Variants in PDE12 observed in about 807,000 individuals in gnomAD.
PDE12 encodes the protein 2',5'-phosphodiesterase 12.
A neutral mutation model predicts 45.4 loss-of-function variants in PDE12; 26 were observed. The observed-to-expected ratio is 0.57, with a 90% CI of 0.42 to 0.79. PDE12 has a LOEUF of 0.79. Among genes scored for constraint, PDE12 ranks in the 30% least tolerant of loss-of-function variants. The pLI, the probability that PDE12 is intolerant of heterozygous loss-of-function variation, is 0.00. For missense variants in PDE12, 668 were observed against 790.0 expected, an observed-to-expected ratio of 0.85 and a Z score of 1.85; for synonymous variants, 283 against 323.9, an observed-to-expected ratio of 0.87 and a Z score of 1.36.
At chr3:57,596,974 C>G in the PDE12 span, 2 of 1,344,200 alleles carry the variant, frequency 1.5e-6, no homozygotes, top group South Asian at 1.3e-5. Flanking sequence ...GCCCCTCCCC[C>G]ACCACAGCGG....
At chr3:57,604,999 C>G in the PDE12 span, among the ~76,000 whole-genome samples, 1 of 152,238 alleles carries the variant, frequency 6.6e-6, no homozygotes, top group East Asian at 1.9e-4. Flanking sequence ...ACCAGATTTA[C>G]CCACTCACCT....
At position 57,562,157 on chromosome 3, in the gene PDE12, G is replaced by GT; in HGVS notation, c.*2155dup. The GT allele has an allele frequency of 1.0e-6, 1 of 953,872 alleles. No individual in the cohort carries two copies. The highest frequency in any genetic ancestry group is 1.2e-6 in the Non-Finnish European group (1 of 801,320). 59.1% of individuals were successfully genotyped at this position (953,872 alleles called of 1,614,324 possible). ...AGAAAACAAAGTGTCACATCAAAAA[G>GT]TTGAGAAACATTTTGAAAGAAAAAA... On this transcript the variant is annotated 3_prime_UTR_variant, in exon 3 of 3. Transcript: ENST00000311180.
the PDE12 span, among the ~76,000 whole-genome samples, chr3:57,633,923 A>T: frequency 6.6e-6 from 1 of 151,912 alleles, no homozygotes; most frequent in South Asian, 2.1e-4. Flanking sequence ...CTATAAAGAC[A>T]ATCTTTATTT....
At chr3:57,636,087 TG>T in the PDE12 span, among the ~76,000 whole-genome samples, 1 of 152,232 alleles carries the variant, frequency 6.6e-6, no homozygotes, top group Non-Finnish European at 1.5e-5. Context: ...TGACTGTTTA[TG>T]TTATTGCTAA....
the PDE12 span, chr3:57,597,010 GCCACC>G: frequency 6.4e-7 from 1 of 1,566,960 alleles, no homozygotes; most frequent in Non-Finnish European, 8.8e-7. Context: ...AGGCCCAGAG[GCCACC>G]CCAATTGTGG....
the PDE12 span, among the ~76,000 whole-genome samples, chr3:57,618,971 T>C: frequency 6.6e-6 from 1 of 152,160 alleles, no homozygotes; most frequent in Non-Finnish European, 1.5e-5. Flanking sequence ...TTAAATACAT[T>C]TAACGAATTA....
At chr3:57,648,877 C>T in the PDE12 span, among the ~76,000 whole-genome samples, 1 of 152,110 alleles carries the variant, frequency 6.6e-6, no homozygotes, top group Non-Finnish European at 1.5e-5. Flanking sequence ...CAAGATTAAT[C>T]AAAAACTTAA....
chr3:57,559,335 A>T lies in PDE12; in HGVS notation c.1334A>T (p.Asp445Val). Residue 445 changes from aspartate (D) to valine (V), a missense_variant, in exon 2 of 3, where the codon GAC becomes GTC. Transcript: ENST00000311180. Reference sequence around the variant, plus strand: ...GTTTCAGTTCTTCAGTCTACAAAGGACTCTTCTAAAAGGATATGTGTTGCT... The same window carrying T: ...GTTTCAGTTCTTCAGTCTACAAAGGTCTCTTCTAAAAGGATATGTGTTGCT... Reference protein sequence around the residue: ...LQVSVLQSTKDSSKRICVANT... With the variant: ...LQVSVLQSTKVSSKRICVANT... 1 of 1,612,688 alleles carries T rather than the reference A, an allele frequency of 6.2e-7. No individual in the cohort carries two copies. The highest frequency in any genetic ancestry group is 8.5e-7 in the Non-Finnish European group (1 of 1,178,938).
At chr3:57,615,198 G>T in the PDE12 span, among the ~76,000 whole-genome samples, 1 of 151,880 alleles carries the variant, frequency 6.6e-6, no homozygotes, top group East Asian at 1.9e-4. Flanking sequence ...AGAACTGGAA[G>T]CCCTTATCTT....
In PDE12 at chr3:57,556,836, G is replaced by GTTAAGT; in HGVS notation, c.458_463dup (p.Lys154_Tyr155insPheLys). 1 of 1,614,010 alleles carries GTTAAGT rather than the reference G, an allele frequency of 6.2e-7. No individual in the cohort carries two copies. Among genetic ancestry groups the GTTAAGT allele is most frequent in the Non-Finnish European group, 8.5e-7 (1 of 1,180,012 alleles). ...CGGCGCGGTGCTGCAGATCGGCGAT[G>GTTAAGT]TTAAGTACAAGGTGGAGCGCAACCC... On this transcript the variant is annotated inframe_insertion, in exon 1 of 3. Transcript: ENST00000311180. This position sits in a 1 kb window ranked among gnomAD's most constrained non-coding sequence, Gnocchi z 5.0.
At chr3:57,594,837 T>TA in the PDE12 span, among the ~76,000 whole-genome samples, 5 of 152,232 alleles carry the variant, frequency 3.3e-5, no homozygotes, top group African/African-American at 1.2e-4. Flanking sequence ...CAGTCACTCA[T>TA]AAAGCCAGAC....
the PDE12 span, among the ~76,000 whole-genome samples, chr3:57,589,371 C>T: frequency 5.3e-5 from 8 of 151,276 alleles, no homozygotes; most frequent in East Asian, 2.0e-4. Context: ...AAGGCTGCAG[C>T]GAGCCATGAT....
the PDE12 span, chr3:57,597,071 C>T: frequency 1.2e-6 from 2 of 1,613,966 alleles, no homozygotes; most frequent in Non-Finnish European, 1.7e-6. Flanking sequence ...GCCCCTCACT[C>T]ACCCATCAAA....
chr3:57,610,858 C>CTT, the PDE12 span, among the ~76,000 whole-genome samples: 4 of 152,162 alleles, frequency 2.6e-5, no homozygotes, highest in East Asian at 5.8e-4. Flanking sequence ...CTACCAATGA[C>CTT]TTTCTTCACA....
the PDE12 span, among the ~76,000 whole-genome samples, chr3:57,632,017 C>G: frequency 7.9e-6 from 1 of 126,476 alleles, no homozygotes; most frequent in Non-Finnish European, 1.6e-5. Context: ...CCACCGCGCC[C>G]GGCCTTTTTT....
the PDE12 span, chr3:57,633,192 G>T: frequency 1.6e-6 from 2 of 1,267,790 alleles, no homozygotes; most frequent in South Asian, 1.2e-5. Flanking sequence ...ATATGGTTTT[G>T]GAGGGCGGGA....
the PDE12 span, chr3:57,641,816 A>T: frequency 2.2e-6 from 3 of 1,355,148 alleles, no homozygotes; most frequent in African/African-American, 4.4e-5. Flanking sequence ...AGTGAAGAAT[A>T]GTTTACTTTT....
chr3:57,653,709 G>GCA, the PDE12 span, among the ~76,000 whole-genome samples: 1 of 144,788 alleles, frequency 6.9e-6, no homozygotes, highest in African/African-American at 2.6e-5. Context: ...TCGCACCACT[G>GCA]CACTCCGGCC....
chr3:57,589,785 C>T, the PDE12 span, among the ~76,000 whole-genome samples: 1 of 151,320 alleles, frequency 6.6e-6, no homozygotes, highest in East Asian at 2.0e-4. Context: ...GAAATACTTA[C>T]ATTTTAAATT....
Sources: allele counts gnomAD v4.1 joint callset (sites outside exome capture counted in the v4.1 genomes callset), GRCh38; gene constraint gnomAD v4.1.1; non-coding constraint Gnocchi (gnomAD v3.1); transcripts MANE v1.5; gene names NCBI Gene and HGNC (gene_info 2026-07-23, HGNC 2026-07-21).